CLSTN1: variants seen among roughly 807,000 people sequenced by gnomAD.
CLSTN1 encodes calsyntenin 1.
CLSTN1 carries 28 observed loss-of-function variants against 108.3 expected under a neutral mutation model. That is an observed-to-expected ratio of 0.26 (90% CI 0.19 to 0.35). CLSTN1 has a LOEUF of 0.35. CLSTN1 is among the 10% of genes least tolerant of loss of function. The probability of loss-of-function intolerance (pLI) is 1.00; values close to 1 mark genes in which losing one functional copy is unlikely to be tolerated. For missense variants in CLSTN1, 1,157 were observed against 1,302.6 expected (o/e 0.89, Z 1.72); for synonymous variants, 524 against 534.9 (o/e 0.98, Z 0.28).
intron 2 of CLSTN1, among the ~76,000 whole-genome samples, chr1:9,760,677 T>G: frequency 6.8e-6 from 1 of 147,964 alleles, no homozygotes. Context: ...ATGCCACCCA[T>G]TCCCGGGTTT....
intron 1 of CLSTN1, among the ~76,000 whole-genome samples, chr1:9,777,561 C>T (rs370601391): frequency 2.6e-5 from 4 of 152,136 alleles, no homozygotes; most frequent in African/African-American, 7.2e-5. Context: ...AATTTTAATA[C>T]TTATTAACTC....
At chr1:9,819,173 A>C (rs538250294) in intron 1 of CLSTN1, among the ~76,000 whole-genome samples, 1 of 152,160 alleles carries the variant, frequency 6.6e-6, no homozygotes, top group African/African-American at 2.4e-5. Flanking sequence ...ACCAGAATAC[A>C]TAAGAAATAG....
At chr1:9,818,651 A>G (rs1197866609) in intron 1 of CLSTN1, among the ~76,000 whole-genome samples, 1 of 151,912 alleles carries the variant, frequency 6.6e-6, no homozygotes, top group Non-Finnish European at 1.5e-5. Flanking sequence ...ATGCACGAAC[A>G]TGACATTGCA....
chr1:9,747,950 G>A lies in CLSTN1; in HGVS notation c.985+1511C>T, dbSNP rs912363639. On this transcript the variant is annotated intron_variant, in intron 7 of 18. Transcript: ENST00000377298. ...TCCCAGCTACTCGGGAGGCTGAGGC[G>A]GGAGAATGGTGTGAACCCAGGAGGC... Among the ~76,000 whole-genome samples the A allele has an allele frequency of 1.8e-3, 272 of 151,764 alleles. 1 individual carries two copies. Among genetic ancestry groups the A allele is most frequent in the African/African-American group, 4.9e-3 (204 of 41,428 alleles).
At chr1:9,788,139 C>A (rs1429553888) in intron 1 of CLSTN1, among the ~76,000 whole-genome samples, 1 of 151,478 alleles carries the variant, frequency 6.6e-6, no homozygotes, top group East Asian at 2.0e-4. Context: ...ACTTGTAGTC[C>A]CGCCTACTTG....
At chr1:9,770,478 C>T (rs1370940748) in intron 2 of CLSTN1, among the ~76,000 whole-genome samples, 2 of 152,224 alleles carry the variant, frequency 1.3e-5, no homozygotes, top group Non-Finnish European at 2.9e-5. Context: ...GCTACGTCAT[C>T]GTAGCAGGCA....
intron 1 of CLSTN1, among the ~76,000 whole-genome samples, chr1:9,803,525 G>A (rs920888826): frequency 5.9e-5 from 9 of 152,290 alleles, no homozygotes; most frequent in Non-Finnish European, 1.3e-4. Flanking sequence ...TTTTACGGCC[G>A]GGCGCAGTGG....
chr1:9,735,330 T>G, intron 13 of CLSTN1, 137 bp downstream of exon 13: 1 of 1,404,486 alleles, frequency 7.1e-7, no homozygotes, highest in Non-Finnish European at 1.0e-6. Context: ...TAAATATCAC[T>G]CAGCTCTCTG....
intron 9 of CLSTN1, among the ~76,000 whole-genome samples, chr1:9,743,546 A>C (rs1651086652): frequency 6.6e-6 from 1 of 152,096 alleles, no homozygotes. Context: ...AGAAGATGAC[A>C]GTGTTTTTCT....
intron 4 of CLSTN1, among the ~76,000 whole-genome samples, chr1:9,752,353 C>A (rs1377073029): frequency 1.3e-5 from 2 of 152,170 alleles, no homozygotes; most frequent in Admixed American, 1.3e-4. Flanking sequence ...ATGGTCAGGG[C>A]ATGCTTCTGA....
At position 9,819,233 on chromosome 1, in the gene CLSTN1, T is replaced by A. The variant is rs917229887; in HGVS notation, c.91+4410A>T. Among the ~76,000 whole-genome samples the A allele has an allele frequency of 2.0e-5, 3 of 152,304 alleles. No homozygotes were observed. In the East Asian group the frequency reaches 5.8e-4, roughly 29 times the overall value. On this transcript the variant is annotated intron_variant, in intron 1 of 18. Transcript: ENST00000377298. ...TCAGATCTCTATTTTGTTTCAACTC[T>A]TATAAATGAAAACTACCCAAAAAAA...
At chr1:9,810,182 A>AGCAG (rs1468556774) in intron 1 of CLSTN1, among the ~76,000 whole-genome samples, 2 of 141,928 alleles carry the variant, frequency 1.4e-5, no homozygotes, top group Non-Finnish European at 3.1e-5. Flanking sequence ...AAGGCAGGCA[A>AGCAG]GCAGGCAGGC....
intron 1 of CLSTN1, among the ~76,000 whole-genome samples, chr1:9,797,591 T>C (rs577881905): frequency 6.6e-6 from 1 of 151,756 alleles, no homozygotes; most frequent in South Asian, 2.1e-4. Flanking sequence ...CAGTGAGCTA[T>C]GATTATGCTA....
At position 9,773,314 on chromosome 1, in the gene CLSTN1, G is replaced by T. The variant is rs781456104; in HGVS notation, c.172C>A (p.Pro58Thr). 3.7e-6 allele frequency: 6 copies of T among 1,614,050 alleles called. No individual in the cohort carries two copies. Among genetic ancestry groups the T allele is most frequent in the South Asian group, 3.3e-5 (3 of 91,078 alleles). The part of the protein sequence containing the change: ...ENDNTVLLDP[P>T]LIALDKDAPL... Reference sequence around the variant, plus strand: ...GCATCTTTATCCAGCGCGATCAGTGGGGGGTCGAGGAGCACGGTGTTGTCG... The same window carrying T: ...GCATCTTTATCCAGCGCGATCAGTGTGGGGTCGAGGAGCACGGTGTTGTCG... The change falls in exon 2 of 19, where the codon CCA becomes ACA. Residue 58 changes from proline to threonine, a missense_variant. Pro to Thr is a conservative substitution (Grantham distance 38, BLOSUM62 -1). Coordinates refer to ENST00000377298, the MANE Select transcript of CLSTN1 (RefSeq NM_001009566.3).
In CLSTN1 at chr1:9,763,088, A is replaced by C. The variant is rs1652162982; in HGVS notation, c.215-6578T>G. ...GTGATTCCTGTGCCTCAGCCTCCCG[A>C]GTAGCTGGGACTACAGGTGCACACC... On this transcript the variant is annotated intron_variant, in intron 2 of 18. Transcript: ENST00000377298. 2.0e-5 allele frequency among the ~76,000 whole-genome samples: 3 copies of C among 151,938 alleles called. No homozygotes were observed. In the South Asian group the frequency reaches 6.2e-4, roughly 32 times the overall value.
chr1:9,742,343 T>C (rs894819301), intron 9 of CLSTN1, among the ~76,000 whole-genome samples: 1 of 152,026 alleles, frequency 6.6e-6, no homozygotes, highest in Non-Finnish European at 1.5e-5. Context: ...TAACTAACGT[T>C]TGAGGGGGTG....
intron 1 of CLSTN1, among the ~76,000 whole-genome samples, chr1:9,818,937 C>T (rs907706971): frequency 6.8e-6 from 1 of 146,668 alleles, no homozygotes; most frequent in Non-Finnish European, 1.5e-5. Flanking sequence ...CAGGCACCTG[C>T]CACCACGCCT....
intron 7 of CLSTN1, among the ~76,000 whole-genome samples, chr1:9,749,128 T>C (rs956643895): frequency 6.6e-6 from 1 of 152,066 alleles, no homozygotes; most frequent in African/African-American, 2.4e-5. Flanking sequence ...GGTCTCAAAC[T>C]CCTGGGCTCA....
chr1:9,756,055 G>C (rs980606044), intron 3 of CLSTN1, among the ~76,000 whole-genome samples: 1 of 152,042 alleles, frequency 6.6e-6, no homozygotes, highest in Admixed American at 6.6e-5. Context: ...ATCTAAATTG[G>C]CTCACAACTT....
Sources: gnomAD v4.1 joint callset for allele counts (sites outside exome capture counted in the v4.1 genomes callset) on GRCh38, gnomAD v4.1.1 for gene constraint, MANE v1.5 for transcripts, NCBI Gene and HGNC (gene_info 2026-07-23, HGNC 2026-07-21) for gene names.